The following MORN1 variants were observed in gnomAD, a reference collection of about 807,000 sequenced individuals.
MORN1 encodes MORN repeat containing 1.
In MORN1, 67 loss-of-function variants were observed where a neutral mutation model predicts 61.9. The observed-to-expected ratio is 1.08, with a 90% confidence interval of 0.89 to 1.33. MORN1 has a LOEUF of 1.33. MORN1 is among the 40% of genes most tolerant of loss of function. MORN1 has a pLI of 0.00. For synonymous variants in MORN1, 301 were observed against 292.0 expected (o/e 1.03, Z -0.31); for missense variants, 752 against 691.2 (o/e 1.09, Z -0.99).
rs532671776 is a variant in MORN1, at chr1:2,358,928, T to A, written c.746-213A>T. On this transcript the variant is annotated intron_variant, in intron 8 of 13. Transcript: ENST00000378531. ...CTGCAGAAGTTTCCCAGCCCTGGGATCTCTGGTGCTGGCCACACTCACCCC... is the reference window on the plus strand; with the variant it reads ...CTGCAGAAGTTTCCCAGCCCTGGGAACTCTGGTGCTGGCCACACTCACCCC... Among the ~76,000 whole-genome samples the A allele has an allele frequency of 1.7e-3, 258 of 152,186 alleles. 1 individual carries two copies. Among genetic ancestry groups the A allele is most frequent in the Middle Eastern group, 3.4e-3 (1 of 294 alleles).
intron 6 of MORN1, among the ~76,000 whole-genome samples, chr1:2,383,715 TC>T (rs869135011): frequency 1.4e-5 from 2 of 138,196 alleles, no homozygotes; most frequent in Non-Finnish European, 3.3e-5. Flanking sequence ...TGCTGGACGC[TC>T]AGGGGGCCCC....
intron 8 of MORN1, among the ~76,000 whole-genome samples, chr1:2,361,527 C>T (rs1641890073): frequency 1.4e-5 from 2 of 144,888 alleles, no homozygotes; most frequent in African/African-American, 5.4e-5. Flanking sequence ...TACTGCACTC[C>T]AGCCTGGGAG....
intron 13 of MORN1, chr1:2,323,488 G>T: frequency 1.0e-6 from 1 of 985,402 alleles, no homozygotes; most frequent in Non-Finnish European, 1.2e-6. Context: ...GTCCTGCTAG[G>T]GGTCCGAGCC....
intron 10 of MORN1, among the ~76,000 whole-genome samples, chr1:2,350,255 A>C (rs1204897324): frequency 1.3e-5 from 2 of 152,268 alleles, no homozygotes; most frequent in African/African-American, 4.8e-5. Context: ...GCAATAGTCC[A>C]TGTCTTGGAA....
rs1374123576 is a variant in MORN1 at position 2,372,851 on chromosome 1, G to A, written c.635-260C>T. On this transcript the variant is annotated intron_variant, in intron 7 of 13. Transcript: ENST00000378531. This position sits in a 1 kb window ranked among gnomAD's most constrained non-coding sequence, Gnocchi z 5.4. ...GAACCAAGTGGACCACCGGGGCCAC[G>A]GAGCATGCAAGAGACACAAGTGGGC... Among the ~76,000 whole-genome samples the A allele has an allele frequency of 1.3e-5, 2 of 152,228 alleles. No homozygotes were observed. The highest frequency in any genetic ancestry group is 2.1e-4 in the South Asian group (1 of 4,834).
chr1:2,328,342 GC>G (rs1176643941), intron 12 of MORN1, among the ~76,000 whole-genome samples: 17 of 152,320 alleles, frequency 1.1e-4, no homozygotes, highest in African/African-American at 3.6e-4. Flanking sequence ...GGAGAAGGGC[GC>G]CCACTGGTGC....
chr1:2,329,403 C>T (rs1271740752), intron 12 of MORN1, among the ~76,000 whole-genome samples: 1 of 152,224 alleles, frequency 6.6e-6, no homozygotes, highest in Non-Finnish European at 1.5e-5. Context: ...GAGGCGCTTC[C>T]AGCAGTAGGG....
At chr1:2,338,826 C>T (rs1641336798) in intron 10 of MORN1, among the ~76,000 whole-genome samples, 1 of 152,192 alleles carries the variant, frequency 6.6e-6, no homozygotes, top group Non-Finnish European at 1.5e-5. Flanking sequence ...CAGGCACCTT[C>T]AGGCAGGTTC....
At chr1:2,340,825 C>T (rs942568047) in intron 10 of MORN1, among the ~76,000 whole-genome samples, 18 of 152,110 alleles carry the variant, frequency 1.2e-4, no homozygotes, top group Non-Finnish European at 1.9e-4. Flanking sequence ...GGCTGCCACA[C>T]AGGCCATGAT....
At chr1:2,359,882 CAAA>C (rs59233224) in intron 8 of MORN1, among the ~76,000 whole-genome samples, 2 of 136,492 alleles carry the variant, frequency 1.5e-5, no homozygotes, top group Non-Finnish European at 1.6e-5. Flanking sequence ...GACTCCGTCT[CAAA>C]AAAAAAAAAA....
intron 8 of MORN1, among the ~76,000 whole-genome samples, chr1:2,364,108 A>G (rs1435533344): frequency 9.2e-5 from 14 of 152,166 alleles, no homozygotes; most frequent in Admixed American, 9.2e-4. Flanking sequence ...GGATGGATAG[A>G]GCTACACCAT....
intron 13 of MORN1, chr1:2,322,524 G>A (rs1640905620): frequency 1.0e-6 from 1 of 985,332 alleles, no homozygotes; most frequent in Non-Finnish European, 1.2e-6. Flanking sequence ...GGGGCCGGGA[G>A]GAATGTGCTT....
intron 2 of MORN1, 36 bp downstream of exon 2, chr1:2,389,889 C>T (rs1642600040): frequency 3.1e-6 from 5 of 1,592,186 alleles, no homozygotes; most frequent in Non-Finnish European, 4.3e-6. Flanking sequence ...AGCTGTGGGG[C>T]AGCAGCTGCA....
Position 2,370,970 on chromosome 1 carries a change from C to T in MORN1, c.745+1511G>A, listed in dbSNP as rs1642106054. 3.3e-5 allele frequency among the ~76,000 whole-genome samples: 5 copies of T among 151,954 alleles called. No homozygotes were observed. In the South Asian group the frequency reaches 1.0e-3, roughly 32 times the overall value. ...TCTGTAATCCCAGCACTTTGGGAGG[C>T]CAAGGCGGGTGGATCACGAGGTCAG... On this transcript the variant is annotated intron_variant, in intron 8 of 13. Coordinates refer to ENST00000378531, the MANE Select transcript of MORN1 (RefSeq NM_024848.3).
At chr1:2,321,698 C>G in intron 13 of MORN1, 119 bp from the exon 14 acceptor site, 1 of 1,303,496 alleles carries the variant, frequency 7.7e-7, no homozygotes, top group Non-Finnish European at 1.0e-6. Context: ...CCCTGGTCAT[C>G]TCTGCCTGGG....
At chr1:2,382,188 G>A (rs557163962) in intron 6 of MORN1, among the ~76,000 whole-genome samples, 2 of 152,310 alleles carry the variant, frequency 1.3e-5, no homozygotes, top group East Asian at 1.9e-4. Flanking sequence ...AGGCCGGAGG[G>A]GATGGCCCTG....
In MORN1 at chr1:2,323,319, G is replaced by A. The variant is rs1163282433; in HGVS notation, c.1297+778C>T. On this transcript the variant is annotated intron_variant, in intron 13 of 13. Transcript: ENST00000378531. ...CCCGCTGCGCCAGAGGCAGCTCCAC[G>A]GTGGCATCCAGACCCCAGTGAGCAG... 1.6e-5 allele frequency: 16 copies of A among 985,418 alleles called. No individual in the cohort carries two copies. The African/African-American group carries it at 1.9e-4, about 12-fold the overall frequency. 61.0% of individuals were successfully genotyped at this position (985,418 alleles called of 1,614,324 possible). A position where few individuals can be genotyped will look rare whatever the true frequency, so the allele number is the denominator to read the frequency against.
chr1:2,385,186 G>T (rs543832955), intron 5 of MORN1, 121 bp from the exon 6 acceptor site: 3 of 1,003,682 alleles, frequency 3.0e-6, no homozygotes, highest in South Asian at 1.5e-5. Context: ...AAATAGGCCC[G>T]AGCAGATGGC....
rs1356437467 is a variant in MORN1 at position 2,384,958 on chromosome 1, T to C, written c.537+20A>G. 2.6e-6 allele frequency: 4 copies of C among 1,535,268 alleles called. No individual in the cohort carries two copies. The highest frequency in any genetic ancestry group is 1.2e-5 in the South Asian group (1 of 82,420). On this transcript the variant is annotated intron_variant, in intron 6 of 13. Coordinates refer to ENST00000378531, the MANE Select transcript of MORN1 (RefSeq NM_024848.3). ...AGGCCTGTACCCTCTGGGCAGCAGG[T>C]GCCGCGCGCCCCCGGGTACCTTGTA...
Sources: gnomAD v4.1 joint callset for allele counts (sites outside exome capture counted in the v4.1 genomes callset) on GRCh38, gnomAD v4.1.1 for gene constraint, Gnocchi (gnomAD v3.1) non-coding constraint, MANE v1.5 for transcripts, NCBI Gene and HGNC (gene_info 2026-07-23, HGNC 2026-07-21) for gene names.